Variants in TBC1D4 observed in about 807,000 individuals in gnomAD.
TBC1D4 encodes TBC1 domain family member 4.
Under a neutral mutation model 142.5 loss-of-function variants are expected in TBC1D4, and 121 were observed. That is an observed-to-expected ratio of 0.85 (90% confidence interval 0.73 to 0.99). The LOEUF (loss-of-function observed/expected upper bound fraction) is 0.99. Among genes scored for constraint, TBC1D4 ranks in the 50% least tolerant of loss-of-function variants. TBC1D4 has a pLI of 0.00. For missense variants in TBC1D4, 1,475 were observed against 1,606.6 expected (o/e 0.92, Z 1.40); for synonymous variants, 630 against 628.2 (o/e 1.00, Z -0.04).
intron 8 of TBC1D4, among the ~76,000 whole-genome samples, chr13:75,331,845 G>GAT (rs369452239): frequency 7.1e-6 from 1 of 140,480 alleles, no homozygotes; most frequent in Non-Finnish European, 1.5e-5. Flanking sequence ...AACTCAGCAG[G>GAT]AAAAAAAAAA....
Position 75,359,776 on chromosome 13 carries a change from C to G in TBC1D4, c.1163G>C (p.Cys388Ser), listed in dbSNP as rs759309816. Residue 388 changes from cysteine (C) to serine (S), a missense_variant, in exon 3 of 21, where the codon TGT (cysteine) becomes TCT (serine). Cys to Ser is a moderately radical substitution (Grantham distance 112, BLOSUM62 -1). This residue lies in a region of TBC1D4 where 1,227 missense variants were observed against 1,267.7 expected (regional missense o/e 0.97). Coordinates refer to ENST00000377636, the MANE Select transcript of TBC1D4 (RefSeq NM_014832.5). The stretch of plus-strand genomic sequence containing the variant: ...ATATACTTTGATACATACCTGAGAA[C>G]AAGAGGAGATATCTTTAAAATTCTT... ...LEKNFKDISS[C>S]SQGIKHVDHF... The G allele has an allele frequency of 2.5e-6, 4 of 1,610,010 alleles. No homozygotes were observed. The Admixed American group carries it at 6.7e-5, about 27-fold the overall frequency.
Position 75,481,841 on chromosome 13 carries a change from C to A in TBC1D4, c.-74G>T. 6.4e-6 allele frequency: 9 copies of A among 1,407,230 alleles called. No individual in the cohort carries two copies. The highest frequency in any genetic ancestry group is 8.3e-6 in the Non-Finnish European group (9 of 1,090,618). The allele number at this position is 1,407,230 out of a possible 1,614,324, so 87.2% of individuals were successfully genotyped here. ...CCCCCCACTCCCGCGCAGAAGGCGCCGCCGAAACTGTGCCAACTGCCGCAC... is the reference window on the plus strand; with the variant it reads ...CCCCCCACTCCCGCGCAGAAGGCGCAGCCGAAACTGTGCCAACTGCCGCAC... On this transcript the variant is annotated 5_prime_UTR_variant, in exon 1 of 21. Transcript: ENST00000377636.
intron 1 of TBC1D4, among the ~76,000 whole-genome samples, chr13:75,436,593 G>T (rs1447006870): frequency 1.3e-5 from 2 of 151,676 alleles, no homozygotes; most frequent in African/African-American, 2.4e-5. Context: ...GGAGGCTGAG[G>T]CTGCAAAGAG....
chr13:75,407,079 AAGG>A (rs1428065233), intron 1 of TBC1D4, among the ~76,000 whole-genome samples: 6 of 152,198 alleles, frequency 3.9e-5, no homozygotes, highest in Non-Finnish European at 8.8e-5. Context: ...CTGCATGCAT[AAGG>A]AGGAGAAACT....
At chr13:75,452,399 G>A (rs921265131) in intron 1 of TBC1D4, among the ~76,000 whole-genome samples, 3 of 152,094 alleles carry the variant, frequency 2.0e-5, no homozygotes, top group Non-Finnish European at 4.4e-5. Context: ...AACTATGAGC[G>A]TATATATAAA....
At chr13:75,443,709 T>G (rs867599492) in intron 1 of TBC1D4, among the ~76,000 whole-genome samples, 1 of 152,170 alleles carries the variant, frequency 6.6e-6, no homozygotes, top group Non-Finnish European at 1.5e-5. Flanking sequence ...AAAGGGACAA[T>G]AGATTCCCCT....
chr13:75,339,909 T>C (rs1462740821), intron 7 of TBC1D4, among the ~76,000 whole-genome samples: 3 of 152,136 alleles, frequency 2.0e-5, no homozygotes, highest in Non-Finnish European at 4.4e-5. Context: ...GACAGCAAAG[T>C]TTATCTCTCC....
chr13:75,467,997 C>A (rs1467468377), intron 1 of TBC1D4, among the ~76,000 whole-genome samples: 2 of 152,266 alleles, frequency 1.3e-5, no homozygotes, highest in Middle Eastern at 3.4e-3. Flanking sequence ...CCAGATGGAT[C>A]TCCTCTCCAT....
chr13:75,481,199 CGCCCCTCCCGCCCTGCT>C, intron 1 of TBC1D4, 54 bp downstream of exon 1: 44 of 1,241,598 alleles, frequency 3.5e-5, no homozygotes, highest in Non-Finnish European at 3.9e-5. Flanking sequence ...GTGGGGTCCC[CGCCCCTCCCGCCCTGCT>C]CCCCGATCCC....
intron 1 of TBC1D4, among the ~76,000 whole-genome samples, chr13:75,393,002 G>T (rs1226969105): frequency 6.6e-6 from 1 of 151,622 alleles, no homozygotes; most frequent in African/African-American, 2.4e-5. Flanking sequence ...TCTCTATTTT[G>T]CTAGAATTCC....
intron 19 of TBC1D4, 151 bp downstream of exon 19, chr13:75,291,951 C>T: frequency 1.5e-6 from 1 of 686,130 alleles, no homozygotes; most frequent in South Asian, 2.3e-5. Flanking sequence ...GAAAATGTCA[C>T]AGTGTAGAAA....
chr13:75,323,207 A>T (rs2137993404), intron 11 of TBC1D4, among the ~76,000 whole-genome samples: 1 of 152,276 alleles, frequency 6.6e-6, no homozygotes, highest in Middle Eastern at 3.4e-3. Flanking sequence ...AGTGGATAAC[A>T]TGTATTCCTC....
At chr13:75,456,511 G>T (rs1370652998) in intron 1 of TBC1D4, among the ~76,000 whole-genome samples, 1 of 151,686 alleles carries the variant, frequency 6.6e-6, no homozygotes, top group Non-Finnish European at 1.5e-5. Context: ...CTTCACAAAA[G>T]ATAACATCCA....
chr13:75,462,425 AG>A (rs1888009099), intron 1 of TBC1D4, among the ~76,000 whole-genome samples: 1 of 152,158 alleles, frequency 6.6e-6, no homozygotes, highest in Admixed American at 6.5e-5. Context: ...TTTCTGGGGA[AG>A]TCAAGTCAGA....
Position 75,333,238 on chromosome 13 carries a change from A to C in TBC1D4, c.1731+3683T>G, listed in dbSNP as rs115914683. Among the ~76,000 whole-genome samples the C allele has an allele frequency of 1.8e-3, 268 of 152,348 alleles. 3 individuals are homozygous for C. The highest frequency in any genetic ancestry group is 6.3e-3 in the African/African-American group (261 of 41,582). ...TTTTGAAACTTTGTTCACAGGAGTT[A>C]AAACACCTACCACCCAACCAGTCTT... On this transcript the variant is annotated intron_variant, in intron 8 of 20. Transcript: ENST00000377636.
chr13:75,401,074 G>A lies in TBC1D4; in HGVS notation c.499-38467C>T, dbSNP rs76949823. Among the ~76,000 whole-genome samples, 1,369 of 152,206 alleles carry A rather than the reference G, an allele frequency of 9.0e-3. 32 individuals are homozygous for A. Among genetic ancestry groups the A allele is most frequent in the African/African-American group, 0.031 (1,308 of 41,526 alleles). ...TATTAGTGTTAGACCAAAATGAGATGATCTCTTGATCTCTCATCCATCTCT... is the reference window on the plus strand; with the variant it reads ...TATTAGTGTTAGACCAAAATGAGATAATCTCTTGATCTCTCATCCATCTCT... On this transcript the variant is annotated intron_variant, in intron 1 of 20. Coordinates refer to ENST00000377636, the MANE Select transcript of TBC1D4 (RefSeq NM_014832.5).
At chr13:75,411,883 C>T (rs559346931) in intron 1 of TBC1D4, among the ~76,000 whole-genome samples, 4 of 152,030 alleles carry the variant, frequency 2.6e-5, no homozygotes, top group Non-Finnish European at 4.4e-5. Context: ...GTTCAAAAAG[C>T]ACTGCTTCCA....
intron 1 of TBC1D4, among the ~76,000 whole-genome samples, chr13:75,405,963 G>C (rs2138371770): frequency 6.6e-6 from 1 of 152,290 alleles, no homozygotes; most frequent in Non-Finnish European, 1.5e-5. Context: ...AACTGAAGCT[G>C]TCTATATTCC....
chr13:75,310,626 A>T (rs1877655295), intron 13 of TBC1D4, among the ~76,000 whole-genome samples: 2 of 152,148 alleles, frequency 1.3e-5, no homozygotes, highest in Non-Finnish European at 2.9e-5. Flanking sequence ...TCCTCCTGCA[A>T]CACCTTTTTC....
Sources: allele counts gnomAD v4.1 joint callset (sites outside exome capture counted in the v4.1 genomes callset), GRCh38; gene constraint gnomAD v4.1.1; regional missense constraint gnomAD v4.1.1; transcripts MANE v1.5; gene names NCBI Gene and HGNC (gene_info 2026-07-23, HGNC 2026-07-21).